Variants in SMC3 observed in about 807,000 individuals in gnomAD.
SMC3 encodes the protein structural maintenance of chromosomes protein 3.
Under a neutral mutation model 171.8 loss-of-function variants are expected in SMC3, and 20 were observed. That is an observed-to-expected ratio of 0.12 (90% CI 0.08 to 0.17). The LOEUF (loss-of-function observed/expected upper bound fraction) is 0.17, where lower values mean the gene tolerates loss of function less well. Among genes scored for constraint, SMC3 ranks in the 10% least tolerant of loss-of-function variants. The probability of loss-of-function intolerance (pLI) is 1.00; values close to 1 mark genes in which losing one functional copy is unlikely to be tolerated. For synonymous variants in SMC3, 464 were observed against 451.1 expected (o/e 1.03, Z -0.36); for missense variants, 543 against 1,420.4 (o/e 0.38, Z 9.93).
At chr10:110,600,943 G>A in intron 22 of SMC3, 79 bp from the exon 23 acceptor site, 1 of 1,031,812 alleles carries the variant, frequency 9.7e-7, no homozygotes, top group Non-Finnish European at 1.5e-6. Context: ...TTTCTTGAAT[G>A]TTTATTCAGA....
At position 110,577,500 on chromosome 10, in the gene SMC3, AC is replaced by A. The variant is rs1860969746; in HGVS notation, c.270+9del. ...TCAGACAACCGGTTACCAGTAAGTA[AC>A]TTTTTTTTTAAAGTAATGTTGAGAA... is the stretch of plus-strand genomic sequence containing the variant. On this transcript the variant is annotated intron_variant, in intron 5 of 28. Coordinates refer to ENST00000361804, the MANE Select transcript of SMC3 (RefSeq NM_005445.4). The A allele has an allele frequency of 1.9e-6, 3 of 1,592,418 alleles. No individual in the cohort carries two copies. The highest frequency in any genetic ancestry group is 2.6e-6 in the Non-Finnish European group (3 of 1,161,080).
At position 110,578,620 on chromosome 10, in the gene SMC3, G is replaced by A. The variant is rs577160407; in HGVS notation, c.351-8G>A. The stretch of plus-strand genomic sequence containing the variant: ...TTATCGGAAAGTAATTTCATTGTTT[G>A]TCAACAGGAAAAATGATGTGATGAA... On this transcript the variant is annotated splice_region_variant and splice_polypyrimidine_tract_variant and intron_variant, in intron 6 of 28. Transcript: ENST00000361804. 3 of 1,599,856 alleles carry A rather than the reference G, an allele frequency of 1.9e-6. No individual in the cohort carries two copies. The highest frequency in any genetic ancestry group is 1.7e-4 in the Middle Eastern group (1 of 6,020).
At position 110,601,275 on chromosome 10, in the gene SMC3, G is replaced by A. The variant is rs1475323073; in HGVS notation, c.2644+145G>A. The A allele has an allele frequency of 3.1e-5, 21 of 672,090 alleles. No homozygotes were observed. In the South Asian group the frequency reaches 3.7e-4, roughly 12 times the overall value. 41.6% of individuals were successfully genotyped at this position (672,090 alleles called of 1,614,324 possible). On this transcript the variant is annotated intron_variant, in intron 23 of 28. Transcript: ENST00000361804. ...ACAATGTATAGCAAATGGAATTTAG[G>A]AAGTTGACTATAAATAGTAACTTTT... is the stretch of plus-strand genomic sequence containing the variant.
chr10:110,582,219 A>G (rs759133528), intron 9 of SMC3, 121 bp downstream of exon 9: 3 of 929,114 alleles, frequency 3.2e-6, no homozygotes, highest in Non-Finnish European at 5.0e-6. Context: ...AAACCTCTCA[A>G]TGAATTTATT....
intron 18 of SMC3, among the ~76,000 whole-genome samples, 176 bp from the exon 19 acceptor site, chr10:110,596,222 C>CAAAAAAAAAAAAAAAAAAAAAAAA (rs55837501): frequency 8.0e-6 from 1 of 124,832 alleles, no homozygotes; most frequent in Non-Finnish European, 1.6e-5. Context: ...GACCCTGTCT[C>CAAAAAAAAAAAAAAAAAAAAAAAA]AAAAAAAAAA....
chr10:110,604,128 A>G, intron 28 of SMC3, 103 bp from the exon 29 acceptor site: 1 of 637,096 alleles, frequency 1.6e-6, no homozygotes, highest in Non-Finnish European at 2.7e-6. Context: ...CTAAAAATTA[A>G]AAAATGTAGT....
chr10:110,574,841 G>A (rs939582070), intron 3 of SMC3, among the ~76,000 whole-genome samples: 1 of 152,202 alleles, frequency 6.6e-6, no homozygotes, highest in Non-Finnish European at 1.5e-5. Context: ...TATAGTATAA[G>A]AAGTGTAGTA....
At chr10:110,593,411 A>G (rs1405162271) in intron 18 of SMC3, among the ~76,000 whole-genome samples, 188 bp downstream of exon 18, 8 of 152,102 alleles carry the variant, frequency 5.3e-5, no homozygotes, top group African/African-American at 1.4e-4. Context: ...GTCTCCATTA[A>G]AAATACAAAG....
intron 3 of SMC3, among the ~76,000 whole-genome samples, chr10:110,574,128 AT>A (rs2134714308): frequency 6.6e-6 from 1 of 152,354 alleles, no homozygotes; most frequent in Admixed American, 6.5e-5. Context: ...ACGTATGTAA[AT>A]GCAGTAGAAT....
At chr10:110,590,946 A>G (rs755202140) in intron 16 of SMC3, 45 bp from the exon 17 acceptor site, 1 of 1,586,960 alleles carries the variant, frequency 6.3e-7, no homozygotes, top group Admixed American at 1.7e-5. Flanking sequence ...ACATAGGGAG[A>G]CCCTGAGTAC....
intron 13 of SMC3, among the ~76,000 whole-genome samples, chr10:110,585,860 C>G (rs1358612878): frequency 1.3e-5 from 2 of 151,864 alleles, no homozygotes; most frequent in African/African-American, 4.8e-5. Context: ...TGCAGTGGCG[C>G]GATCTCGGCT....
intron 7 of SMC3, among the ~76,000 whole-genome samples, chr10:110,579,768 T>G (rs1861005179): frequency 6.6e-6 from 1 of 152,220 alleles, no homozygotes; most frequent in African/African-American, 2.4e-5. Context: ...TATGTATAAT[T>G]GGAGCGTTCA....
At chr10:110,584,492 A>G (rs946413392) in intron 13 of SMC3, 96 bp downstream of exon 13, 64 of 825,244 alleles carry the variant, frequency 7.8e-5, no homozygotes, top group South Asian at 3.5e-4. Context: ...ATAAGTCTAC[A>G]TGTTGCTCTT....
At chr10:110,585,179 C>A (rs1233535305) in intron 13 of SMC3, among the ~76,000 whole-genome samples, 1 of 151,988 alleles carries the variant, frequency 6.6e-6, no homozygotes, top group Non-Finnish European at 1.5e-5. Flanking sequence ...GGGGTTTCTC[C>A]ATGTTGGTCA....
In SMC3 at chr10:110,589,775, T is replaced by G. The variant is rs371177870; in HGVS notation, c.1409+67T>G. 3.5e-6 allele frequency: 5 copies of G among 1,431,614 alleles called. No individual in the cohort carries two copies. The African/African-American group carries it at 7.0e-5, about 20-fold the overall frequency. The allele number at this position is 1,431,614 out of a possible 1,614,324, so 88.7% of individuals were successfully genotyped here. On this transcript the variant is annotated intron_variant, in intron 14 of 28. Coordinates refer to ENST00000361804, the MANE Select transcript of SMC3 (RefSeq NM_005445.4). Reference sequence around the variant, plus strand: ...TTCGTTACTAGCTGTTATGTGGTCTTTAAGTTACAAGTTAACCGGTCAGGC... The same window carrying G: ...TTCGTTACTAGCTGTTATGTGGTCTGTAAGTTACAAGTTAACCGGTCAGGC...
At chr10:110,599,407 T>C (rs551095299) in intron 20 of SMC3, among the ~76,000 whole-genome samples, 224 of 152,316 alleles carry the variant, frequency 1.5e-3, no homozygotes, top group Non-Finnish European at 2.5e-3. Context: ...TTTTTGTTCT[T>C]ATAATATGCC....
Position 110,599,819 on chromosome 10 carries a change from A to G in SMC3, c.2427+7A>G, listed in dbSNP as rs776253751. ...GATTCGTCAACTTCAGCAGGTAAGT[A>G]GACAGCTGACTGGAAAAAGAATTCG... On this transcript the variant is annotated splice_region_variant and intron_variant, in intron 21 of 28. Coordinates refer to ENST00000361804, the MANE Select transcript of SMC3 (RefSeq NM_005445.4). 6.2e-7 allele frequency: 1 copy of G among 1,613,530 alleles called. No individual in the cohort carries two copies. The highest frequency in any genetic ancestry group is 1.1e-5 in the South Asian group (1 of 91,078).
intron 9 of SMC3, 110 bp downstream of exon 9, chr10:110,582,208 AAAAC>A (rs1252559444): frequency 1.0e-5 from 10 of 1,003,278 alleles, no homozygotes; most frequent in African/African-American, 1.6e-5. Context: ...AAACTTAAAA[AAAAC>A]CTCTCAATGA....
At chr10:110,604,138 T>C in intron 28 of SMC3, 93 bp from the exon 29 acceptor site, 1 of 695,160 alleles carries the variant, frequency 1.4e-6, no homozygotes, top group South Asian at 1.7e-5. Context: ...AAAAATGTAG[T>C]TAAATGTAGT....
Sources: allele counts gnomAD v4.1 joint callset (sites outside exome capture counted in the v4.1 genomes callset), GRCh38; gene constraint gnomAD v4.1.1; transcripts MANE v1.5; gene names NCBI Gene and HGNC (gene_info 2026-07-23, HGNC 2026-07-21).